Variants in LRFN1 observed in about 807,000 individuals in gnomAD.
LRFN1 encodes the protein leucine-rich repeat and fibronectin type III domain-containing protein 1.
In LRFN1, 20 loss-of-function variants were observed where a neutral mutation model predicts 31.8. The ratio of observed to expected loss-of-function variants is 0.63; its 90% CI spans 0.44 to 0.91. The LOEUF is 0.91. Ranked by LOEUF, LRFN1 falls within the 40% of genes least tolerant of loss-of-function variation. LRFN1 has a pLI of 0.00. For missense variants in LRFN1, 912 were observed against 1,129.8 expected (o/e 0.81, Z 2.76); for synonymous variants, 514 against 541.3 (o/e 0.95, Z 0.70).
chr19:39,315,256 C>T lies in LRFN1; in HGVS notation c.81G>A (p.Gly27=). ...ALPFLLLLWA[G]ASRGQPCPGR... ...CGGGGCAGGGCTGGCCACGAGATGC[C>T]CCCGCCCAGAGCAGCAGCAGAAAGG... Residue 27 remains glycine (G), a synonymous_variant, in exon 4 of 5, where the codon GGG becomes GGA. Transcript: ENST00000248668. This position sits in a 1 kb window ranked among gnomAD's most constrained non-coding sequence, Gnocchi z 4.7. The T allele has an allele frequency of 1.9e-6, 3 of 1,539,630 alleles. No homozygotes were observed. The highest frequency in any genetic ancestry group is 2.6e-6 in the Non-Finnish European group (3 of 1,148,698).
At chr19:39,309,249 A>C (rs2075142017) in intron 4 of LRFN1, among the ~76,000 whole-genome samples, 1 of 152,124 alleles carries the variant, frequency 6.6e-6, no homozygotes, top group Non-Finnish European at 1.5e-5. Flanking sequence ...TGAGGTTAGG[A>C]GTTCAAGACT....
chr19:39,310,132 A>G (rs946252966), intron 4 of LRFN1, among the ~76,000 whole-genome samples: 2 of 152,028 alleles, frequency 1.3e-5, no homozygotes, highest in South Asian at 2.1e-4. Context: ...TAATTTTTGT[A>G]TTTTTAGTAG....
intron 4 of LRFN1, among the ~76,000 whole-genome samples, chr19:39,312,042 G>A (rs886403993): frequency 2.6e-5 from 4 of 151,976 alleles, no homozygotes; most frequent in African/African-American, 9.7e-5. Context: ...CCTAATTTTT[G>A]TATTTTCCGT....
chr19:39,316,658 G>A (rs2075172942), intron 2 of LRFN1, among the ~76,000 whole-genome samples: 1 of 152,128 alleles, frequency 6.6e-6, no homozygotes, highest in Admixed American at 6.6e-5. Context: ...GAGCTCCCAA[G>A]CAAGGCAGAC....
In LRFN1 at chr19:39,314,665, T is replaced by C. The variant is rs1396061081; in HGVS notation, c.672A>G (p.Lys224=). The C allele has an allele frequency of 6.2e-7, 1 of 1,612,612 alleles. No individual in the cohort carries two copies. Residue 224 remains lysine (K), a synonymous_variant, in exon 4 of 5, where the codon AAA becomes AAG. Transcript: ENST00000248668. ...RLDMTSNRLH[K]LPPDGLFLRS... The stretch of plus-strand genomic sequence containing the variant: ...TCAGGAAGAGCCCGTCGGGCGGGAG[T>C]TTATGCAGGCGGTTGGAGGTCATGT...
intron 2 of LRFN1, among the ~76,000 whole-genome samples, chr19:39,316,382 C>T (rs1171420300): frequency 6.6e-6 from 1 of 152,110 alleles, no homozygotes; most frequent in Non-Finnish European, 1.5e-5. Context: ...GCTCTGTGAC[C>T]CCCAAGCCAA....
chr19:39,308,374 G>A lies in LRFN1; in HGVS notation c.1575C>T (p.Arg525=), dbSNP rs1044015972. 6.2e-7 allele frequency: 1 copy of A among 1,611,988 alleles called. No individual in the cohort carries two copies. The highest frequency in any genetic ancestry group is 1.1e-5 in the South Asian group (1 of 90,958). The change falls in exon 5 of 5, where the codon CGC becomes CGT. Residue 525 remains arginine, a synonymous_variant. Transcript: ENST00000248668. The surrounding 1 kb of genome is among the most constrained non-coding windows in gnomAD (Gnocchi z 6.2). Reference sequence around the variant, plus strand: ...CGCCCAAGAAATGGGCCCTCAGCGGGCGGCAGGGCGCCGGATCCCCAGCGG... The same window carrying A: ...CGCCCAAGAAATGGGCCCTCAGCGGACGGCAGGGCGCCGGATCCCCAGCGG... ...FTTAGDPAPC[R]PLRAHFLGGT...
chr19:39,314,518 C>T lies in LRFN1; in HGVS notation c.819G>A (p.Glu273=), dbSNP rs1348705067. 1 of 1,610,314 alleles carries T rather than the reference C, an allele frequency of 6.2e-7. No individual in the cohort carries two copies. Among genetic ancestry groups the T allele is most frequent in the African/African-American group, 1.3e-5 (1 of 74,900 alleles). ...TGAGGTGTTCGGGCGTGGCGCAGGT[C>T]TCTAAGTCGTCCTCGCGGGTCAGCC... ...LRRLTREDDL[E]TCATPEHLTD... The change falls in exon 4 of 5, where the codon GAG becomes GAA. Residue 273 remains glutamate (E), a synonymous_variant. Coordinates refer to ENST00000248668, the MANE Select transcript of LRFN1 (RefSeq NM_020862.2).
In LRFN1 at chr19:39,307,550, G is replaced by T; in HGVS notation, c.*83C>A. On this transcript the variant is annotated 3_prime_UTR_variant, in exon 5 of 5. Transcript: ENST00000248668. The surrounding 1 kb of genome is among the most constrained non-coding windows in gnomAD (Gnocchi z 6.7). ...CTCTGGTCCAATGTCTTGGCGCTGCGCTTTCTCCCAGTCCCGCCCCAGCGT... is the reference window on the plus strand; with the variant it reads ...CTCTGGTCCAATGTCTTGGCGCTGCTCTTTCTCCCAGTCCCGCCCCAGCGT... 7.6e-7 allele frequency: 1 copy of T among 1,313,168 alleles called. No homozygotes were observed. The allele number at this position is 1,313,168 out of a possible 1,614,324, so 81.3% of individuals were successfully genotyped here.
intron 1 of LRFN1, among the ~76,000 whole-genome samples, chr19:39,318,600 G>A (rs1297228760): frequency 6.6e-6 from 1 of 151,838 alleles, no homozygotes; most frequent in Non-Finnish European, 1.5e-5. Context: ...TTTGTCCTCT[G>A]GGGTTTCAGG....
chr19:39,307,369 G>A lies in LRFN1; in HGVS notation c.*264C>T, dbSNP rs1042798940. Reference sequence around the variant, plus strand: ...GCACCGGCTCCAGCGAGGTCCGCGAGCGCGCGAGGGGAGGGGTAGGAGGGG... The same window carrying A: ...GCACCGGCTCCAGCGAGGTCCGCGAACGCGCGAGGGGAGGGGTAGGAGGGG... On this transcript the variant is annotated 3_prime_UTR_variant, in exon 5 of 5. Coordinates refer to ENST00000248668, the MANE Select transcript of LRFN1 (RefSeq NM_020862.2). The surrounding 1 kb of genome is among the most constrained non-coding windows in gnomAD (Gnocchi z 6.7). The A allele has an allele frequency of 4.9e-6, 2 of 406,410 alleles. No homozygotes were observed. Among genetic ancestry groups the A allele is most frequent in the Non-Finnish European group, 8.6e-6 (2 of 231,598 alleles). 25.2% of individuals were successfully genotyped at this position (406,410 alleles called of 1,614,324 possible).
chr19:39,314,959 C>T lies in LRFN1; in HGVS notation c.378G>A (p.Ala126=), dbSNP rs765626575. 16 of 1,594,226 alleles carry T rather than the reference C, an allele frequency of 1.0e-5. No individual in the cohort carries two copies. The highest frequency in any genetic ancestry group is 1.2e-5 in the Non-Finnish European group (14 of 1,174,662). The change falls in exon 4 of 5, where the codon GCG becomes GCA. Residue 126 remains alanine, a synonymous_variant. Transcript: ENST00000248668. Reference sequence around the variant, plus strand: ...CGCGGAGCTGGTCGCCGCGCACCTCCGCCAGGCGGTTGCTGTCCAGGTGCA... The same window carrying T: ...CGCGGAGCTGGTCGCCGCGCACCTCTGCCAGGCGGTTGCTGTCCAGGTGCA... ...RALHLDSNRL[A]EVRGDQLRGL...
intron 4 of LRFN1, among the ~76,000 whole-genome samples, chr19:39,310,412 C>T (rs765188361): frequency 2.0e-5 from 3 of 152,342 alleles, no homozygotes; most frequent in South Asian, 2.1e-4. Context: ...CATCACACCT[C>T]GTGTTGGCCA....
intron 4 of LRFN1, 87 bp downstream of exon 4, chr19:39,313,844 G>T: frequency 7.7e-7 from 1 of 1,306,970 alleles, no homozygotes; most frequent in Non-Finnish European, 1.0e-6. Context: ...CCCTGGCTGA[G>T]CAAGAAGGCC....
At chr19:39,320,703 G>A in intron 1 of LRFN1, 90 bp downstream of exon 1, 1 of 149,592 alleles carries the variant, frequency 6.7e-6, no homozygotes, top group Non-Finnish European at 1.5e-5. Flanking sequence ...GCAGCGCCAC[G>A]GACACACACT....
chr19:39,308,325 C>G lies in LRFN1; in HGVS notation c.1624G>C (p.Gly542Arg). The G allele has an allele frequency of 6.2e-7, 1 of 1,613,124 alleles. No individual in the cohort carries two copies. Among genetic ancestry groups the G allele is most frequent in the Non-Finnish European group, 8.5e-7 (1 of 1,179,638 alleles). Reference protein sequence around the residue: ...LGGTMIIAIGGVIVASVLVFI... With the variant: ...LGGTMIIAIGRVIVASVLVFI... ...ACGAGGACCGAGGCGACGATGACGC[C>G]CCCGATGGCGATGATCATGGTGCCG... The change falls in exon 5 of 5, where the codon GGC (glycine) becomes CGC (arginine). Residue 542 changes from glycine (G) to arginine (R), a missense_variant. Coordinates refer to ENST00000248668, the MANE Select transcript of LRFN1 (RefSeq NM_020862.2). This position sits in a 1 kb window ranked among gnomAD's most constrained non-coding sequence, Gnocchi z 6.2.
chr19:39,310,071 C>A (rs2075145618), intron 4 of LRFN1, among the ~76,000 whole-genome samples: 5 of 152,218 alleles, frequency 3.3e-5, no homozygotes, highest in African/African-American at 9.6e-5. Flanking sequence ...GATTCTCCTG[C>A]CTCAGCCTCC....
Position 39,314,896 on chromosome 19 carries a change from G to A in LRFN1, c.441C>T (p.Asn147=), listed in dbSNP as rs769761301. 53 of 1,609,710 alleles carry A rather than the reference G, an allele frequency of 3.3e-5. 2 individuals are homozygous for A. In the South Asian group the frequency reaches 5.4e-4, roughly 16 times the overall value. Residue 147 remains asparagine (N), a synonymous_variant, in exon 4 of 5, where the codon AAC becomes AAT. Transcript: ENST00000248668. ...CCGCCGACTCCACCCGGCGGATCTG[G>A]TTGTTTCCAAGGATCAGGTGGCGGA... ...GNLRHLILGN[N]QIRRVESAAF...
At chr19:39,320,076 A>G (rs1357075825) in intron 1 of LRFN1, among the ~76,000 whole-genome samples, 4 of 74,156 alleles carry the variant, frequency 5.4e-5, no homozygotes, top group Non-Finnish European at 1.0e-4. Flanking sequence ...TCCCCCCTCC[A>G]TCTGTCCACC....
Sources: gnomAD v4.1 joint callset for allele counts (sites outside exome capture counted in the v4.1 genomes callset) on GRCh38, gnomAD v4.1.1 for gene constraint, Gnocchi (gnomAD v3.1) non-coding constraint, MANE v1.5 for transcripts, NCBI Gene and HGNC (gene_info 2026-07-23, HGNC 2026-07-21) for gene names.